CFAP299: variants seen among roughly 807,000 people sequenced by gnomAD.
CFAP299 encodes cilia- and flagella-associated protein 299.
A neutral mutation model predicts 27.0 loss-of-function variants in CFAP299; 21 were observed. That is an observed-to-expected ratio of 0.78 (90% CI 0.55 to 1.12). The LOEUF (loss-of-function observed/expected upper bound fraction) is 1.12, where lower values mean the gene tolerates loss of function less well. CFAP299 is among the 50% of genes most tolerant of loss of function. The pLI is 0.00. For missense variants in CFAP299, 310 were observed against 276.6 expected, an observed-to-expected ratio of 1.12 and a Z score of -0.86; for synonymous variants, 104 against 98.1, an observed-to-expected ratio of 1.06 and a Z score of -0.36.
At chr4:80,900,236 G>A (rs944270761) in intron 4 of CFAP299, among the ~76,000 whole-genome samples, 9 of 151,234 alleles carry the variant, frequency 6.0e-5, no homozygotes, top group African/African-American at 2.2e-4. Context: ...TTATAGGATA[G>A]GATGCATAGG....
chr4:80,736,470 A>G (rs1723880516), intron 3 of CFAP299, among the ~76,000 whole-genome samples: 1 of 152,126 alleles, frequency 6.6e-6, no homozygotes, highest in Non-Finnish European at 1.5e-5. Flanking sequence ...TTTACAAGAA[A>G]AAAAAAACAA....
intron 3 of CFAP299, among the ~76,000 whole-genome samples, chr4:80,732,131 G>A (rs1174698213): frequency 6.6e-6 from 1 of 151,486 alleles, no homozygotes; most frequent in Non-Finnish European, 1.5e-5. Flanking sequence ...GACAATCTAA[G>A]CAGGAAAAAA....
At chr4:80,643,238 A>T (rs902214370) in intron 3 of CFAP299, among the ~76,000 whole-genome samples, 2 of 152,178 alleles carry the variant, frequency 1.3e-5, no homozygotes, top group East Asian at 3.9e-4. Context: ...GCAAAGGGTC[A>T]TACATTTGGC....
chr4:80,962,508 C>T (rs1369601994), intron 5 of CFAP299, among the ~76,000 whole-genome samples: 2 of 151,702 alleles, frequency 1.3e-5, no homozygotes, highest in Non-Finnish European at 2.9e-5. Context: ...TGTAACTAAC[C>T]TGCACATTGG....
chr4:80,626,452 C>A (rs1316637095), intron 3 of CFAP299, among the ~76,000 whole-genome samples: 1 of 151,590 alleles, frequency 6.6e-6, no homozygotes, highest in Admixed American at 6.6e-5. Flanking sequence ...AAATAAACAA[C>A]CTAACATTGT....
chr4:80,845,857 C>G (rs986471951), intron 3 of CFAP299, among the ~76,000 whole-genome samples: 3 of 152,008 alleles, frequency 2.0e-5, no homozygotes, highest in Non-Finnish European at 4.4e-5. Context: ...TAAAGGATTA[C>G]TAATAAATTG....
chr4:80,687,599 C>G (rs1720290428), intron 3 of CFAP299, among the ~76,000 whole-genome samples: 1 of 152,174 alleles, frequency 6.6e-6, no homozygotes, highest in South Asian at 2.1e-4. Flanking sequence ...ACATCCTGAT[C>G]AGATTGACAT....
rs1362118375 is a variant in CFAP299, at chr4:80,707,743, C to T, written c.333+124560C>T. On this transcript the variant is annotated intron_variant, in intron 3 of 5. Transcript: ENST00000358105. ...CTCAGGTATATAAAATCAATTCTAG[C>T]GTACCAAATGTTTCATTCAACTTCA... is the stretch of plus-strand genomic sequence containing the variant. 3.9e-5 allele frequency among the ~76,000 whole-genome samples: 6 copies of T among 152,026 alleles called. 1 individual carries two copies. The East Asian group carries it at 5.8e-4, about 15-fold the overall frequency.
intron 2 of CFAP299, chr4:80,387,459 G>C: frequency 1.2e-6 from 1 of 833,046 alleles, no homozygotes; most frequent in Non-Finnish European, 2.1e-6. Context: ...ACCTGCTTGG[G>C]TTTCCGGCTT....
chr4:80,477,121 C>T (rs1447808589), intron 2 of CFAP299, among the ~76,000 whole-genome samples: 1 of 152,050 alleles, frequency 6.6e-6, no homozygotes, highest in African/African-American at 2.4e-5. Context: ...GAGGTGCAAT[C>T]ATAGCTCACT....
At chr4:80,657,064 G>A (rs543481348) in intron 3 of CFAP299, among the ~76,000 whole-genome samples, 46 of 151,558 alleles carry the variant, frequency 3.0e-4, no homozygotes, top group Non-Finnish European at 6.0e-4. Context: ...CATACTTTTT[G>A]ATAAGTTATT....
intron 4 of CFAP299, among the ~76,000 whole-genome samples, chr4:80,880,502 C>A (rs369013099): frequency 6.6e-6 from 1 of 151,916 alleles, no homozygotes; most frequent in Non-Finnish European, 1.5e-5. Flanking sequence ...GAGGCCGAGG[C>A]GAGCAGATCA....
chr4:80,574,491 A>G (rs543491873), intron 2 of CFAP299, among the ~76,000 whole-genome samples: 75 of 152,246 alleles, frequency 4.9e-4, no homozygotes, highest in Admixed American at 1.5e-3. Flanking sequence ...GACTTCCAGT[A>G]CTATGTGGAG....
intron 2 of CFAP299, among the ~76,000 whole-genome samples, chr4:80,397,381 T>C (rs1578398774): frequency 6.6e-6 from 1 of 152,200 alleles, no homozygotes; most frequent in Non-Finnish European, 1.5e-5. Context: ...CTCTATCTCC[T>C]TCAGTTCTGC....
At chr4:80,398,110 C>T (rs867974634) in intron 2 of CFAP299, among the ~76,000 whole-genome samples, 19 of 152,208 alleles carry the variant, frequency 1.2e-4, no homozygotes, top group African/African-American at 3.1e-4. Context: ...GAATAAAATA[C>T]CTAGGAATCC....
intron 3 of CFAP299, among the ~76,000 whole-genome samples, chr4:80,715,044 G>A (rs1383909129): frequency 5.9e-5 from 9 of 151,996 alleles, no homozygotes; most frequent in Non-Finnish European, 8.8e-5. Flanking sequence ...TAGGAGTACC[G>A]ATAGTCTTAC....
intron 2 of CFAP299, among the ~76,000 whole-genome samples, chr4:80,539,409 C>T (rs1402653234): frequency 2.6e-5 from 4 of 152,022 alleles, no homozygotes; most frequent in Admixed American, 2.6e-4. Flanking sequence ...ACAGCATGGC[C>T]CAGAGCATTT....
intron 2 of CFAP299, among the ~76,000 whole-genome samples, chr4:80,551,138 A>T (rs1441135593): frequency 6.6e-6 from 1 of 152,208 alleles, no homozygotes. Flanking sequence ...CAACAATAAT[A>T]TTTTTAAAAA....
At chr4:80,679,378 T>A (rs1374097962) in intron 3 of CFAP299, among the ~76,000 whole-genome samples, 1 of 152,082 alleles carries the variant, frequency 6.6e-6, no homozygotes, top group African/African-American at 2.4e-5. Flanking sequence ...AAAAATGCTA[T>A]AATTATATGT....
Sources: gnomAD v4.1 joint callset for allele counts (sites outside exome capture counted in the v4.1 genomes callset) on GRCh38, gnomAD v4.1.1 for gene constraint, MANE v1.5 for transcripts, NCBI Gene and HGNC (gene_info 2026-07-23, HGNC 2026-07-21) for gene names.